The following CFAP95 variants were observed in gnomAD, a reference collection of about 807,000 sequenced individuals.
CFAP95 encodes cilia and flagella associated protein 95.
At chr9:69,886,819 A>T in the CFAP95 span, 1 of 1,603,288 alleles carries the variant, frequency 6.2e-7, no homozygotes, top group Non-Finnish European at 8.5e-7. Context: ...TTCTTTCCTC[A>T]TTGACTTATC....
the CFAP95 span, among the ~76,000 whole-genome samples, chr9:69,901,739 T>G: frequency 6.6e-5 from 10 of 152,166 alleles, no homozygotes; most frequent in Non-Finnish European, 1.3e-4. Flanking sequence ...GTATTTCTAG[T>G]TCTAGATCCC....
the CFAP95 span, among the ~76,000 whole-genome samples, chr9:69,875,950 G>A: frequency 6.6e-6 from 1 of 152,008 alleles, no homozygotes; most frequent in East Asian, 1.9e-4. Flanking sequence ...ACATCTCCTT[G>A]AATATATATG....
At chr9:69,832,526 A>G in the CFAP95 span, among the ~76,000 whole-genome samples, 2 of 149,716 alleles carry the variant, frequency 1.3e-5, no homozygotes, top group African/African-American at 2.5e-5. Context: ...AGGCACAAAT[A>G]TGAATTTTTT....
the CFAP95 span, among the ~76,000 whole-genome samples, chr9:69,893,785 T>G: frequency 2.0e-5 from 3 of 152,218 alleles, no homozygotes; most frequent in Non-Finnish European, 4.4e-5. Context: ...TTTTATTACT[T>G]TCATTTTAGT....
At chr9:69,844,671 T>C in the CFAP95 span, 3 of 1,381,962 alleles carry the variant, frequency 2.2e-6, no homozygotes, top group East Asian at 2.3e-5. Flanking sequence ...ATCTTTGTCA[T>C]AGTGAAACAT....
At chr9:69,890,721 G>A in the CFAP95 span, among the ~76,000 whole-genome samples, 1 of 152,120 alleles carries the variant, frequency 6.6e-6, no homozygotes, top group Admixed American at 6.5e-5. Context: ...AAAATATTTG[G>A]ATTTATATTA....
the CFAP95 span, chr9:69,886,823 A>G: frequency 6.2e-7 from 1 of 1,606,958 alleles, no homozygotes; most frequent in South Asian, 1.1e-5. Flanking sequence ...TTCCTCATTG[A>G]CTTATCCCTC....
the CFAP95 span, chr9:69,886,954 C>G: frequency 3.0e-6 from 4 of 1,323,048 alleles, no homozygotes; most frequent in Non-Finnish European, 3.2e-6. Flanking sequence ...TTATTTGCAC[C>G]TAGTATAGTC....
At chr9:69,856,746 T>C in the CFAP95 span, 171 of 971,402 alleles carry the variant, frequency 1.8e-4, no homozygotes, top group Non-Finnish European at 2.4e-5. Context: ...AGCAAAAAGG[T>C]ATAGTGACCC....
the CFAP95 span, among the ~76,000 whole-genome samples, chr9:69,823,995 G>A: frequency 2.0e-5 from 3 of 152,152 alleles, no homozygotes; most frequent in Admixed American, 6.5e-5. Context: ...GCAGGTCACC[G>A]GCGATATGAT....
the CFAP95 span, among the ~76,000 whole-genome samples, chr9:69,827,018 C>T: frequency 6.6e-6 from 1 of 152,124 alleles, no homozygotes; most frequent in East Asian, 1.9e-4. Flanking sequence ...GTTTGGACAC[C>T]TCTGTAGAAA....
the CFAP95 span, among the ~76,000 whole-genome samples, chr9:69,892,510 G>A: frequency 6.6e-6 from 1 of 152,184 alleles, no homozygotes. Context: ...AATTGCCTTT[G>A]GTTTTCTATT....
chr9:69,856,345 A>G, the CFAP95 span, among the ~76,000 whole-genome samples: 1 of 152,178 alleles, frequency 6.6e-6, no homozygotes, highest in Non-Finnish European at 1.5e-5. Context: ...GAAACAACCA[A>G]TTTGCTTTTT....
chr9:69,904,737 A>G, the CFAP95 span, among the ~76,000 whole-genome samples: 1 of 152,184 alleles, frequency 6.6e-6, no homozygotes, highest in Non-Finnish European at 1.5e-5. Flanking sequence ...AAGGACCTCT[A>G]TTTGACCTAC....
At chr9:69,834,358 G>A in the CFAP95 span, among the ~76,000 whole-genome samples, 231 of 152,292 alleles carry the variant, frequency 1.5e-3, no homozygotes, top group African/African-American at 5.3e-3. Context: ...GTGACAGAAC[G>A]TACTCACCCT....
the CFAP95 span, chr9:69,844,374 ATACTT>A: frequency 7.8e-6 from 4 of 509,604 alleles, no homozygotes; most frequent in South Asian, 7.9e-5. Flanking sequence ...GAGATGGAAA[ATACTT>A]TATATGTCAC....
the CFAP95 span, among the ~76,000 whole-genome samples, chr9:69,821,717 ATTGT>A: frequency 4.6e-5 from 7 of 150,918 alleles, no homozygotes; most frequent in Admixed American, 1.3e-4. Context: ...GCCAACAGAC[ATTGT>A]TTGGCATGAG....
chr9:69,884,006 C>CT, the CFAP95 span, among the ~76,000 whole-genome samples: 2 of 151,850 alleles, frequency 1.3e-5, no homozygotes. Flanking sequence ...GGTGTTTCTT[C>CT]TTTTTTGATG....
the CFAP95 span, among the ~76,000 whole-genome samples, chr9:69,840,824 C>T: frequency 1.2e-4 from 19 of 152,192 alleles, no homozygotes; most frequent in East Asian, 3.7e-3. Context: ...GCCCCACAGG[C>T]TGTGGGCACA....
Sources: allele counts gnomAD v4.1 joint callset (sites outside exome capture counted in the v4.1 genomes callset), GRCh38; gene constraint gnomAD v4.1.1; transcripts MANE v1.5; gene names NCBI Gene and HGNC (gene_info 2026-07-23, HGNC 2026-07-21).